The following IRGM variants were observed in gnomAD, a reference collection of about 807,000 sequenced individuals.
IRGM encodes immunity related GTPase M, also known as immunity-related GTPase family M protein.
For missense variants in IRGM, 288 were observed against 219.9 expected (o/e 1.31, Z -1.96); for synonymous variants, 98 against 80.6 (o/e 1.22, Z -1.16).
downstream of IRGM, chr5:150,900,755 T>C (rs1427945995): frequency 6.6e-6 from 1 of 152,060 alleles, no homozygotes; most frequent in Non-Finnish European, 1.5e-5. Context: ...TGTGTATTAG[T>C]CTAATTTGTT....
intron 3 of IRGM, among the ~76,000 whole-genome samples, chr5:150,886,789 CT>C (rs534928512): frequency 8.6e-4 from 130 of 151,994 alleles, no homozygotes; most frequent in African/African-American, 2.7e-3. Context: ...GATGTTTCCT[CT>C]TTTTTTCTTT....
At chr5:150,859,862 T>C (rs1198391030) in intron 1 of IRGM, among the ~76,000 whole-genome samples, 1 of 152,156 alleles carries the variant, frequency 6.6e-6, no homozygotes, top group African/African-American at 2.4e-5. Context: ...ATTTTGTTGA[T>C]CTTTTCAAAA....
chr5:150,858,527 T>C (rs1754090548), intron 1 of IRGM, among the ~76,000 whole-genome samples: 1 of 152,216 alleles, frequency 6.6e-6, no homozygotes, highest in African/African-American at 2.4e-5. Context: ...AGTATGGCCA[T>C]TTTCACGATA....
At chr5:150,854,825 T>C (rs1277275804) in intron 1 of IRGM, among the ~76,000 whole-genome samples, 2 of 152,156 alleles carry the variant, frequency 1.3e-5, no homozygotes, top group African/African-American at 4.8e-5. Flanking sequence ...AGCTTCTTTG[T>C]ATGTCTTTCC....
At position 150,897,912 on chromosome 5, in the gene IRGM, T is replaced by C. The variant is rs962743024; in HGVS notation, c.*141-2677T>C. On this transcript the variant is annotated intron_variant and NMD_transcript_variant, in intron 3 of 3. Transcript: ENST00000520549. ...CACAAGAGACAGGATCAACAACAAATAGAACTCCTCTGAAAGGCTTCACAA... is the reference window on the plus strand; with the variant it reads ...CACAAGAGACAGGATCAACAACAAACAGAACTCCTCTGAAAGGCTTCACAA... 23 of 840,474 alleles carry C rather than the reference T, an allele frequency of 2.7e-5. No homozygotes were observed. The African/African-American group carries it at 3.6e-4, about 13-fold the overall frequency. 52.1% of individuals were successfully genotyped at this position (840,474 alleles called of 1,614,324 possible).
chr5:150,896,803 T>C (rs1754803411), intron 3 of IRGM: 8 of 1,613,692 alleles, frequency 5.0e-6, no homozygotes, highest in Non-Finnish European at 6.8e-6. Flanking sequence ...GTGACCTGCC[T>C]GAAGAGTTTG....
chr5:150,870,498 C>T (rs2113276175), intron 1 of IRGM, among the ~76,000 whole-genome samples: 1 of 147,772 alleles, frequency 6.8e-6, no homozygotes, highest in African/African-American at 2.5e-5. Context: ...TTTTATTTTG[C>T]TATACAACTC....
At chr5:150,871,716 T>C (rs1754283552) in intron 1 of IRGM, among the ~76,000 whole-genome samples, 1 of 152,248 alleles carries the variant, frequency 6.6e-6, no homozygotes, top group African/African-American at 2.4e-5. Context: ...AAAATAGTTA[T>C]TGAAACAGGT....
chr5:150,887,098 C>A (rs1272890366), intron 3 of IRGM, among the ~76,000 whole-genome samples: 1 of 151,756 alleles, frequency 6.6e-6, no homozygotes, highest in Non-Finnish European at 1.5e-5. Context: ...GTTGAGCTGG[C>A]TGAAATGACA....
chr5:150,860,597 T>C (rs1378948092), intron 1 of IRGM, among the ~76,000 whole-genome samples: 1 of 152,220 alleles, frequency 6.6e-6, no homozygotes, highest in Non-Finnish European at 1.5e-5. Flanking sequence ...GCCAAAGAGT[T>C]AATAATTATG....
chr5:150,896,822 C>A, intron 3 of IRGM: 2 of 1,613,718 alleles, frequency 1.2e-6, no homozygotes, highest in Non-Finnish European at 1.7e-6. Context: ...TGTCTTGATT[C>A]TCTAGAAATC....
At chr5:150,858,523 G>A (rs895740326) in intron 1 of IRGM, among the ~76,000 whole-genome samples, 30 of 152,258 alleles carry the variant, frequency 2.0e-4, no homozygotes, top group African/African-American at 6.5e-4. Context: ...GGGCAGTATG[G>A]CCATTTTCAC....
downstream of IRGM, among the ~76,000 whole-genome samples, chr5:150,849,785 T>C (rs1373892362): frequency 6.6e-6 from 1 of 152,058 alleles, no homozygotes; most frequent in Non-Finnish European, 1.5e-5. Context: ...TTTTGTATTT[T>C]TAGTAGAGAC....
rs184754850 is a variant in IRGM at position 150,892,575 on chromosome 5, A to G, written c.*141-8014A>G. On this transcript the variant is annotated intron_variant and NMD_transcript_variant, in intron 3 of 3. Transcript: ENST00000520549. ...GCCCACTCCCTACTTTGCTTTTCTT[A>G]TTGCACTGGCTAAATTCACCAGTGT... Among the ~76,000 whole-genome samples, 152 of 152,148 alleles carry G rather than the reference A, an allele frequency of 1.0e-3. 1 individual carries two copies. Among genetic ancestry groups the G allele is most frequent in the African/African-American group, 3.5e-3 (146 of 41,510 alleles).
At chr5:150,874,389 CTA>C (rs1754332689) in intron 1 of IRGM, among the ~76,000 whole-genome samples, 1 of 152,146 alleles carries the variant, frequency 6.6e-6, no homozygotes, top group Admixed American at 6.5e-5. Flanking sequence ...ATGAATCTGA[CTA>C]AAATTCAGGG....
Position 150,847,105 on chromosome 5 carries a change from T to C in IRGM, c.-531T>C, listed in dbSNP as rs1489913238. 1 of 152,338 alleles carries C rather than the reference T, an allele frequency of 6.6e-6. No homozygotes were observed. The highest frequency in any genetic ancestry group is 1.9e-4 in the East Asian group (1 of 5,332). 9.4% of individuals were successfully genotyped at this position (152,338 alleles called of 1,614,324 possible). A position where few individuals can be genotyped will look rare whatever the true frequency, so the allele number is the denominator to read the frequency against. On this transcript the variant is annotated 5_prime_UTR_variant, in exon 1 of 2. Transcript: ENST00000522154. The stretch of plus-strand genomic sequence containing the variant: ...TGTCTCCTCCTCTCCCTCACTTCAG[T>C]TGGGCCCAACATGACAGTCTTAATG...
At chr5:150,891,317 T>C (rs1754606830) in intron 3 of IRGM, among the ~76,000 whole-genome samples, 1 of 152,114 alleles carries the variant, frequency 6.6e-6, no homozygotes, top group Non-Finnish European at 1.5e-5. Flanking sequence ...TCCATTTATG[T>C]CTTTACATTT....
At position 150,848,651 on chromosome 5, in the gene IRGM, G is replaced by A. The variant is rs1316290538; in HGVS notation, c.528G>A (p.Glu176=). ...ATGTCCTGGAAAATCTCCAGAAGGA[G>A]CGGGTATGTGAATACTAATTCCTGT... The part of the protein sequence containing the change: ...RENVLENLQK[E]RVCEY The change falls in exon 2 of 2, where the codon GAG becomes GAA. Residue 176 remains glutamate (E), a synonymous_variant. Coordinates refer to ENST00000522154, the MANE Select transcript of IRGM (RefSeq NM_001145805.2). 1.9e-6 allele frequency: 3 copies of A among 1,538,860 alleles called. No individual in the cohort carries two copies. The highest frequency in any genetic ancestry group is 1.8e-6 in the Non-Finnish European group (2 of 1,138,274).
downstream of IRGM, among the ~76,000 whole-genome samples, chr5:150,850,147 G>A (rs1490807724): frequency 6.6e-6 from 1 of 152,144 alleles, no homozygotes; most frequent in East Asian, 1.9e-4. Context: ...CTGTGCTGCT[G>A]AAGGGTCCTA....
Sources: gnomAD v4.1 joint callset for allele counts (sites outside exome capture counted in the v4.1 genomes callset) on GRCh38, gnomAD v4.1.1 for gene constraint, MANE v1.5 for transcripts, NCBI Gene and HGNC (gene_info 2026-07-23, HGNC 2026-07-21) for gene names.